Variants in CDC14A observed in about 807,000 individuals in gnomAD.
CDC14A encodes cell division cycle 14A, also known as dual specificity protein phosphatase CDC14A.
CDC14A carries 53 observed loss-of-function variants against 74.4 expected under a neutral mutation model. The ratio of observed to expected loss-of-function variants is 0.71; its 90% CI spans 0.57 to 0.89. The LOEUF is 0.89. Among genes scored for constraint, CDC14A ranks in the 40% least tolerant of loss-of-function variants. The probability of loss-of-function intolerance (pLI) is 0.00; values close to 1 mark genes in which losing one functional copy is unlikely to be tolerated. For missense variants in CDC14A, 646 were observed against 713.7 expected, an observed-to-expected ratio of 0.91 and a Z score of 1.08; for synonymous variants, 247 against 258.4, an observed-to-expected ratio of 0.96 and a Z score of 0.43.
intron 11 of CDC14A, among the ~76,000 whole-genome samples, chr1:100,488,018 G>T (rs1182098328): frequency 3.9e-5 from 6 of 152,130 alleles, no homozygotes; most frequent in Non-Finnish European, 8.8e-5. Flanking sequence ...AAAAAAAAAG[G>T]ACAGAGACAT....
At chr1:100,457,287 C>A (rs1261440022) in intron 8 of CDC14A, among the ~76,000 whole-genome samples, 1 of 151,828 alleles carries the variant, frequency 6.6e-6, no homozygotes, top group Non-Finnish European at 1.5e-5. Context: ...TTTTTTTTAA[C>A]AAAAGTGGCA....
upstream of CDC14A, among the ~76,000 whole-genome samples, chr1:100,352,003 T>TGTGTGCGC (rs1553167114): frequency 8.1e-6 from 1 of 122,796 alleles, no homozygotes; most frequent in African/African-American, 3.1e-5. Flanking sequence ...TGTGTGTGTG[T>TGTGTGCGC]GCGCGCGCGC....
At position 100,352,837 on chromosome 1, in the gene CDC14A, C is replaced by T; in HGVS notation, c.-118C>T. The T allele has an allele frequency of 6.6e-7, 1 of 1,526,450 alleles. No individual in the cohort carries two copies. The highest frequency in any genetic ancestry group is 8.8e-7 in the Non-Finnish European group (1 of 1,141,106). The allele number at this position is 1,526,450 out of a possible 1,614,324, so 94.6% of individuals were successfully genotyped here. On this transcript the variant is annotated 5_prime_UTR_variant, in exon 1 of 16. Coordinates refer to ENST00000336454, the MANE Select transcript of CDC14A (RefSeq NM_003672.4). ...CTTCGGCGCCTGCTGCCTCCCTCGG[C>T]CAGGCTTGTTGTTCGGGACTGTGAG...
intron 11 of CDC14A, 64 bp from the exon 12 acceptor site, chr1:100,494,754 T>G: frequency 1.3e-6 from 1 of 760,722 alleles, no homozygotes; most frequent in East Asian, 2.6e-5. Flanking sequence ...ATATATGTAG[T>G]CTGTTAAGAA....
chr1:100,492,482 G>GT (rs1670805475), intron 11 of CDC14A, among the ~76,000 whole-genome samples: 1 of 152,106 alleles, frequency 6.6e-6, no homozygotes, highest in South Asian at 2.1e-4. Context: ...CCTCCTGGTT[G>GT]TTGTAGACAG....
chr1:100,374,185 T>A (rs765034769), intron 2 of CDC14A, among the ~76,000 whole-genome samples: 10 of 152,256 alleles, frequency 6.6e-5, no homozygotes, highest in Admixed American at 2.0e-4. Context: ...TGTGCCACAT[T>A]TTCTTAATCC....
At chr1:100,484,727 T>C in intron 11 of CDC14A, 1 of 1,036,602 alleles carries the variant, frequency 9.6e-7, no homozygotes, top group Non-Finnish European at 1.2e-6. Context: ...AAACTTTCTA[T>C]TTGAAAATTA....
At chr1:100,459,105 A>G (rs1667038718) in intron 8 of CDC14A, among the ~76,000 whole-genome samples, 2 of 148,620 alleles carry the variant, frequency 1.3e-5, no homozygotes, top group Middle Eastern at 3.4e-3. Context: ...ACACACGCAC[A>G]CACACACACA....
intron 6 of CDC14A, among the ~76,000 whole-genome samples, chr1:100,440,805 G>T (rs1664844533): frequency 6.6e-6 from 1 of 152,070 alleles, no homozygotes; most frequent in Non-Finnish European, 1.5e-5. Context: ...GAGAAAATTG[G>T]TGTGATAAAT....
chr1:100,505,558 G>C (rs1649160192), intron 15 of CDC14A, among the ~76,000 whole-genome samples: 1 of 152,146 alleles, frequency 6.6e-6, no homozygotes. Flanking sequence ...TTTGTACTTT[G>C]GGATAATGTT....
chr1:100,409,040 A>T (rs993872888), intron 4 of CDC14A, among the ~76,000 whole-genome samples: 1 of 152,152 alleles, frequency 6.6e-6, no homozygotes, highest in Non-Finnish European at 1.5e-5. Context: ...CATATCTGAG[A>T]CTGGGCAATT....
chr1:100,484,224 A>G, intron 10 of CDC14A, 68 bp from the exon 11 acceptor site: 1 of 848,766 alleles, frequency 1.2e-6, no homozygotes, highest in Non-Finnish European at 1.7e-6. Flanking sequence ...CATACCTTTG[A>G]GATGAGAGTA....
intron 10 of CDC14A, among the ~76,000 whole-genome samples, chr1:100,478,971 T>C (rs2101328875): frequency 6.6e-6 from 1 of 152,236 alleles, no homozygotes; most frequent in South Asian, 2.1e-4. Flanking sequence ...GGCTCCCAGG[T>C]GGTGTGCTGC....
intron 4 of CDC14A, among the ~76,000 whole-genome samples, chr1:100,409,982 A>T (rs1306299619): frequency 6.6e-6 from 1 of 152,216 alleles, no homozygotes; most frequent in Non-Finnish European, 1.5e-5. Flanking sequence ...TATGTATTTT[A>T]TCCAGAGTCA....
At chr1:100,369,079 A>ATTT (rs369735078) in intron 2 of CDC14A, among the ~76,000 whole-genome samples, 2 of 137,696 alleles carry the variant, frequency 1.5e-5, no homozygotes, top group African/African-American at 2.7e-5. Context: ...GTTTTTTGAC[A>ATTT]TTTTTTTTTT....
At chr1:100,423,292 A>G (rs912694410) in intron 4 of CDC14A, among the ~76,000 whole-genome samples, 9 of 152,014 alleles carry the variant, frequency 5.9e-5, no homozygotes, top group African/African-American at 1.9e-4. Flanking sequence ...TCATGCCTGG[A>G]TAGCCATTCC....
At chr1:100,471,683 A>T (rs1187363693) in intron 10 of CDC14A, among the ~76,000 whole-genome samples, 1 of 152,184 alleles carries the variant, frequency 6.6e-6, no homozygotes. Context: ...GTGCAGAAAC[A>T]AATTCAAAAA....
chr1:100,405,431 G>C (rs2101023420), intron 4 of CDC14A, among the ~76,000 whole-genome samples: 2 of 152,208 alleles, frequency 1.3e-5, no homozygotes, highest in South Asian at 4.2e-4. Flanking sequence ...AGGATGTGCA[G>C]GTTTGTTACA....
At chr1:100,476,269 G>T (rs1009709845) in intron 10 of CDC14A, among the ~76,000 whole-genome samples, 1 of 152,084 alleles carries the variant, frequency 6.6e-6, no homozygotes, top group African/African-American at 2.4e-5. Context: ...CCTGATCAAT[G>T]TGGTGAAACC....
Sources: allele counts gnomAD v4.1 joint callset (sites outside exome capture counted in the v4.1 genomes callset), GRCh38; gene constraint gnomAD v4.1.1; transcripts MANE v1.5; gene names NCBI Gene and HGNC (gene_info 2026-07-23, HGNC 2026-07-21).